The following KHDRBS3 variants were observed in gnomAD, a reference collection of about 807,000 sequenced individuals.
The protein encoded by KHDRBS3 is KH domain-containing, RNA-binding, signal transduction-associated protein 3.
A neutral mutation model predicts 45.6 loss-of-function variants in KHDRBS3; 23 were observed. The ratio of observed to expected loss-of-function variants is 0.50; its 90% CI spans 0.36 to 0.72. KHDRBS3 has a LOEUF of 0.72. Ranked by LOEUF, KHDRBS3 falls within the 30% of genes least tolerant of loss-of-function variation. The pLI is 0.00. For synonymous variants in KHDRBS3, 162 were observed against 156.5 expected (o/e 1.04, Z -0.26); for missense variants, 352 against 424.8 (o/e 0.83, Z 1.51).
At chr8:135,585,352 A>G (rs1006521397) in intron 6 of KHDRBS3, among the ~76,000 whole-genome samples, 2 of 152,134 alleles carry the variant, frequency 1.3e-5, no homozygotes, top group African/African-American at 4.8e-5. Context: ...ATGGTTATTC[A>G]TTCATGCATC....
chr8:135,645,926 G>T (rs989344829), intron 8 of KHDRBS3, among the ~76,000 whole-genome samples: 1 of 150,992 alleles, frequency 6.6e-6, no homozygotes, highest in Non-Finnish European at 1.5e-5. Flanking sequence ...CCATTTTCCG[G>T]CGTTAAACCT....
At chr8:135,493,161 T>G (rs1823243022) in intron 1 of KHDRBS3, among the ~76,000 whole-genome samples, 1 of 152,032 alleles carries the variant, frequency 6.6e-6, no homozygotes, top group Non-Finnish European at 1.5e-5. Flanking sequence ...CACTGCAAGC[T>G]CCGCCTCCCG....
chr8:135,457,971 T>C lies in KHDRBS3; in HGVS notation c.88+17T>C. 6.3e-7 allele frequency: 1 copy of C among 1,577,632 alleles called. No homozygotes were observed. The highest frequency in any genetic ancestry group is 8.6e-7 in the Non-Finnish European group (1 of 1,163,016). The stretch of plus-strand genomic sequence containing the variant: ...TGAACCAAGGTGAGGCGCCGGCCGT[T>C]AACTGCCGGCCGGCGGCGGTTGGGG... On this transcript the variant is annotated intron_variant, in intron 1 of 8. Transcript: ENST00000355849. The surrounding 1 kb of genome is among the most constrained non-coding windows in gnomAD (Gnocchi z 4.4).
At chr8:135,646,859 C>A in intron 8 of KHDRBS3, 134 bp from the exon 9 acceptor site, 1 of 501,246 alleles carries the variant, frequency 2.0e-6, no homozygotes, top group South Asian at 3.6e-5. Flanking sequence ...GTTTGTTTTT[C>A]TTTTCAGTAC....
chr8:135,519,849 C>T (rs1824816159), intron 1 of KHDRBS3, among the ~76,000 whole-genome samples: 1 of 152,142 alleles, frequency 6.6e-6, no homozygotes, highest in Non-Finnish European at 1.5e-5. Context: ...AAAGCTCCTC[C>T]GTGGTATTAT....
At chr8:135,642,192 A>G (rs1462979978) in intron 7 of KHDRBS3, among the ~76,000 whole-genome samples, 3 of 152,216 alleles carry the variant, frequency 2.0e-5, no homozygotes, top group African/African-American at 7.2e-5. Flanking sequence ...GTGGGAACCA[A>G]TCACATAAGG....
At chr8:135,485,800 A>T (rs13248576) in intron 1 of KHDRBS3, among the ~76,000 whole-genome samples, 24,693 of 146,266 alleles carry the variant, frequency 0.17, 2,731 homozygotes, top group Middle Eastern at 0.26. Flanking sequence ...TTAGCATCCT[A>T]GTAACACTAT....
intron 7 of KHDRBS3, among the ~76,000 whole-genome samples, chr8:135,635,461 G>T (rs545415530): frequency 2.0e-5 from 3 of 152,140 alleles, no homozygotes; most frequent in South Asian, 2.1e-4. Context: ...TTGGCTCACC[G>T]CAAACTCTGC....
At chr8:135,479,030 T>A (rs1822436084) in intron 1 of KHDRBS3, among the ~76,000 whole-genome samples, 1 of 152,010 alleles carries the variant, frequency 6.6e-6, no homozygotes, top group Non-Finnish European at 1.5e-5. Flanking sequence ...TTTGAAAAGA[T>A]CAACAAAATT....
intron 2 of KHDRBS3, chr8:135,540,313 T>C (rs1563754077): frequency 1.3e-5 from 2 of 152,190 alleles, no homozygotes; most frequent in South Asian, 2.1e-4. Context: ...ACCAGAAACA[T>C]GTTCATTACT....
intron 6 of KHDRBS3, among the ~76,000 whole-genome samples, chr8:135,599,808 A>G (rs1183270051): frequency 1.3e-5 from 2 of 152,250 alleles, no homozygotes; most frequent in African/African-American, 2.4e-5. Flanking sequence ...GGCTCACCAA[A>G]AAGGTGATGT....
At chr8:135,517,539 T>G (rs1824673916) in intron 1 of KHDRBS3, among the ~76,000 whole-genome samples, 1 of 152,150 alleles carries the variant, frequency 6.6e-6, no homozygotes, top group African/African-American at 2.4e-5. Flanking sequence ...TTTATGTATT[T>G]CTGGATTTCA....
intron 1 of KHDRBS3, among the ~76,000 whole-genome samples, chr8:135,518,714 C>T (rs939132948): frequency 1.3e-5 from 2 of 152,154 alleles, no homozygotes; most frequent in Admixed American, 1.3e-4. Flanking sequence ...AGACTTACTG[C>T]TCTTTACTGA....
At position 135,457,882 on chromosome 8, in the gene KHDRBS3, C is replaced by G. The variant is rs370911297; in HGVS notation, c.16C>G (p.Leu6Val). The change falls in exon 1 of 9, where the codon CTG (leucine) becomes GTG (valine). Residue 6 changes from leucine (L) to valine (V), a missense_variant. Around this residue, in one of 6 missense-constraint regions of KHDRBS3, gnomAD observed 58 missense variants for 64.5 expected, o/e 0.90. Transcript: ENST00000355849. This position sits in a 1 kb window ranked among gnomAD's most constrained non-coding sequence, Gnocchi z 4.4. Reference protein sequence around the residue: MEEKYLPELMAEKDSL... With the variant: MEEKYVPELMAEKDSL... ...GCCGGCGAGCATGGAGGAGAAGTAC[C>G]TGCCCGAGCTGATGGCGGAGAAGGA... 1.7e-4 allele frequency: 279 copies of G among 1,595,496 alleles called. No homozygotes were observed. The highest frequency in any genetic ancestry group is 2.2e-4 in the Non-Finnish European group (263 of 1,172,176).
intron 5 of KHDRBS3, among the ~76,000 whole-genome samples, chr8:135,571,575 G>GACA (rs1233781680): frequency 8.5e-5 from 13 of 152,178 alleles, no homozygotes; most frequent in Admixed American, 5.2e-4. Context: ...GAAGAAAAGA[G>GACA]TGCCATGAAA....
intron 6 of KHDRBS3, among the ~76,000 whole-genome samples, chr8:135,592,464 A>G (rs1828790235): frequency 6.6e-6 from 1 of 152,174 alleles, no homozygotes; most frequent in African/African-American, 2.4e-5. Flanking sequence ...TGAGGCAGGG[A>G]AAGGAACTTG....
At chr8:135,529,404 T>G (rs907071482) in intron 2 of KHDRBS3, among the ~76,000 whole-genome samples, 2 of 152,204 alleles carry the variant, frequency 1.3e-5, no homozygotes, top group Non-Finnish European at 2.9e-5. Flanking sequence ...TGGAGGGAAT[T>G]AAAATCTTAA....
chr8:135,532,756 G>A (rs548846840), intron 2 of KHDRBS3, among the ~76,000 whole-genome samples: 3 of 152,092 alleles, frequency 2.0e-5, no homozygotes, highest in African/African-American at 7.2e-5. Context: ...CTGACTCCAG[G>A]GCCTATGCTT....
intron 6 of KHDRBS3, among the ~76,000 whole-genome samples, chr8:135,589,010 C>A (rs1248236653): frequency 6.6e-6 from 1 of 152,198 alleles, no homozygotes; most frequent in African/African-American, 2.4e-5. Flanking sequence ...GCTACCAAGT[C>A]TTTTCACTTG....
Sources: allele counts gnomAD v4.1 joint callset (sites outside exome capture counted in the v4.1 genomes callset), GRCh38; gene constraint gnomAD v4.1.1; regional missense constraint gnomAD v4.1.1; non-coding constraint Gnocchi (gnomAD v3.1); transcripts MANE v1.5; gene names NCBI Gene and HGNC (gene_info 2026-07-23, HGNC 2026-07-21).